RABGAP1: variants seen among roughly 807,000 people sequenced by gnomAD.
RABGAP1 encodes the protein RAB GTPase activating protein 1, also known as rab GTPase-activating protein 1.
RABGAP1 carries 23 observed loss-of-function variants against 137.6 expected under a neutral mutation model. The ratio of observed to expected loss-of-function variants is 0.17; its 90% CI spans 0.12 to 0.24. The LOEUF (loss-of-function observed/expected upper bound fraction) is 0.24, where lower values mean the gene tolerates loss of function less well. Among genes scored for constraint, RABGAP1 ranks in the 10% least tolerant of loss-of-function variants. The pLI, the probability that RABGAP1 is intolerant of heterozygous loss-of-function variation, is 1.00. For synonymous variants in RABGAP1, 451 were observed against 450.7 expected (o/e 1.00, Z -0.01); for missense variants, 906 against 1,275.8 (o/e 0.71, Z 4.42).
chr9:122,962,540 A>G (rs983491313), intron 2 of RABGAP1, among the ~76,000 whole-genome samples: 4 of 152,126 alleles, frequency 2.6e-5, no homozygotes, highest in African/African-American at 9.7e-5. Context: ...AATAATAAAA[A>G]TAGTACATTG....
At chr9:122,955,389 G>A (rs1834458610) in intron 1 of RABGAP1, among the ~76,000 whole-genome samples, 3 of 152,164 alleles carry the variant, frequency 2.0e-5, no homozygotes, top group Admixed American at 6.5e-5. Context: ...AATGGATTAA[G>A]TGAATCATTT....
intron 19 of RABGAP1, among the ~76,000 whole-genome samples, chr9:123,083,525 T>C (rs946418310): frequency 6.6e-6 from 1 of 152,252 alleles, no homozygotes; most frequent in African/African-American, 2.4e-5. Context: ...CTTATCTGTT[T>C]GGGTTCTCTG....
chr9:123,058,119 G>A (rs983101137), intron 13 of RABGAP1, among the ~76,000 whole-genome samples: 4 of 152,030 alleles, frequency 2.6e-5, no homozygotes, highest in African/African-American at 9.7e-5. Context: ...GAGTGATTGT[G>A]GAAACTGTCT....
chr9:123,053,857 G>A (rs1283796912), intron 13 of RABGAP1, among the ~76,000 whole-genome samples: 3 of 152,044 alleles, frequency 2.0e-5, no homozygotes, highest in South Asian at 2.1e-4. Flanking sequence ...TCTTCCTGCC[G>A]TTCTTAGCTT....
At chr9:122,987,794 T>G (rs1462370410) in intron 4 of RABGAP1, among the ~76,000 whole-genome samples, 2 of 152,202 alleles carry the variant, frequency 1.3e-5, no homozygotes, top group Non-Finnish European at 2.9e-5. Flanking sequence ...GTTGATTTCC[T>G]TAGGATAAAT....
At chr9:123,022,769 T>A (rs2031726394) in intron 13 of RABGAP1, among the ~76,000 whole-genome samples, 1 of 152,128 alleles carries the variant, frequency 6.6e-6, no homozygotes, top group South Asian at 2.1e-4. Context: ...AAATAGAAAT[T>A]ATTTAACCAC....
intron 8 of RABGAP1, 137 bp downstream of exon 8, chr9:122,996,742 A>G (rs1837039777): frequency 1.3e-6 from 1 of 750,250 alleles, no homozygotes; most frequent in South Asian, 2.1e-5. Context: ...ATGCAAAGGT[A>G]AGATAATTTC....
intron 1 of RABGAP1, among the ~76,000 whole-genome samples, chr9:122,951,988 GT>G (rs1472951432): frequency 5.9e-5 from 9 of 152,198 alleles, no homozygotes; most frequent in Non-Finnish European, 1.0e-4. Context: ...AGTTCATGGA[GT>G]TTTGGTATAC....
intron 6 of RABGAP1, among the ~76,000 whole-genome samples, chr9:122,993,580 AATT>A (rs1393956046): frequency 6.6e-6 from 1 of 150,862 alleles, no homozygotes; most frequent in African/African-American, 2.4e-5. Context: ...CCAATTTTTA[AATT>A]ATTATGATTA....
intron 14 of RABGAP1, among the ~76,000 whole-genome samples, chr9:123,066,111 C>T (rs925490155): frequency 6.6e-6 from 1 of 152,246 alleles, no homozygotes; most frequent in East Asian, 1.9e-4. Context: ...TTTAGCATCT[C>T]CTATGTAGTA....
At chr9:122,996,867 A>C in intron 8 of RABGAP1, 1 of 450,542 alleles carries the variant, frequency 2.2e-6, no homozygotes, top group Non-Finnish European at 4.0e-6. Flanking sequence ...TGTGATAATC[A>C]AAAGAGAAAA....
At chr9:122,971,021 C>T (rs1835440480) in intron 2 of RABGAP1, among the ~76,000 whole-genome samples, 1 of 152,154 alleles carries the variant, frequency 6.6e-6, no homozygotes. Context: ...TTCTTTATAA[C>T]CAAAGTGCTT....
At chr9:122,948,001 T>G (rs1303232204) in intron 1 of RABGAP1, among the ~76,000 whole-genome samples, 1 of 151,532 alleles carries the variant, frequency 6.6e-6, no homozygotes, top group Non-Finnish European at 1.5e-5. Context: ...GTGAAATTCA[T>G]GTGAAAACCA....
intron 4 of RABGAP1, 51 bp from the exon 5 acceptor site, chr9:122,989,246 G>A (rs753169041): frequency 6.8e-7 from 1 of 1,469,316 alleles, no homozygotes. Flanking sequence ...TAAACGTAGT[G>A]CAGATTGTTC....
At chr9:123,067,394 C>T (rs763370957) in intron 14 of RABGAP1, among the ~76,000 whole-genome samples, 8 of 152,222 alleles carry the variant, frequency 5.3e-5, no homozygotes, top group African/African-American at 9.6e-5. Flanking sequence ...CCTTGCCTAA[C>T]GCAGAATTAG....
At chr9:123,089,107 G>A (rs972128043) in intron 19 of RABGAP1, among the ~76,000 whole-genome samples, 1 of 152,190 alleles carries the variant, frequency 6.6e-6, no homozygotes, top group African/African-American at 2.4e-5. Flanking sequence ...GATGGGGTGA[G>A]AGGGCATCTA....
chr9:123,083,299 AAAC>A (rs2034769874), intron 19 of RABGAP1, among the ~76,000 whole-genome samples: 1 of 152,240 alleles, frequency 6.6e-6, no homozygotes, highest in African/African-American at 2.4e-5. Context: ...GTCAGAGTTG[AAAC>A]TTATTCTCTA....
At position 123,035,443 on chromosome 9, in the gene RABGAP1, G is replaced by A. The variant is rs2032583368; in HGVS notation, c.1794+14984G>A. The A allele has an allele frequency of 6.2e-7, 1 of 1,614,188 alleles. No individual in the cohort carries two copies. Among genetic ancestry groups the A allele is most frequent in the Admixed American group, 1.7e-5 (1 of 60,016 alleles). On this transcript the variant is annotated intron_variant, in intron 13 of 25. Transcript: ENST00000373647. Reference sequence around the variant, plus strand: ...CGCATCCTTCTTGACCACCTGGCTTGCTATTAGTAACAGTTTCTGCAACTG... The same window carrying A: ...CGCATCCTTCTTGACCACCTGGCTTACTATTAGTAACAGTTTCTGCAACTG...
chr9:123,030,015 C>G (rs1056650032), intron 13 of RABGAP1, among the ~76,000 whole-genome samples: 1 of 152,008 alleles, frequency 6.6e-6, no homozygotes, highest in African/African-American at 2.4e-5. Context: ...TCTTTTTAAG[C>G]CTGTCATTTT....
Sources: allele counts gnomAD v4.1 joint callset (sites outside exome capture counted in the v4.1 genomes callset), GRCh38; gene constraint gnomAD v4.1.1; transcripts MANE v1.5; gene names NCBI Gene and HGNC (gene_info 2026-07-23, HGNC 2026-07-21).